Variants in DPP6 observed in about 807,000 individuals in gnomAD.
DPP6 encodes the protein A-type potassium channel modulatory protein DPP6.
In DPP6, 69 loss-of-function variants were observed where a neutral mutation model predicts 122.6. The observed-to-expected ratio is 0.56, with a 90% CI of 0.46 to 0.69. DPP6 has a LOEUF of 0.69. Among genes scored for constraint, DPP6 ranks in the 30% least tolerant of loss-of-function variants. The pLI is 0.00. For synonymous variants in DPP6, 418 were observed against 433.1 expected, an observed-to-expected ratio of 0.97 and a Z score of 0.43; for missense variants, 928 against 1,116.9, an observed-to-expected ratio of 0.83 and a Z score of 2.41.
At chr7:154,404,252 G>T (rs1815883708) in intron 1 of DPP6, among the ~76,000 whole-genome samples, 1 of 152,084 alleles carries the variant, frequency 6.6e-6, no homozygotes, top group Non-Finnish European at 1.5e-5. Context: ...CTAAATCAAA[G>T]ATCTCATAAG....
At chr7:153,955,244 T>C (rs552364387) in intron 1 of DPP6, among the ~76,000 whole-genome samples, 4 of 152,282 alleles carry the variant, frequency 2.6e-5, no homozygotes, top group Non-Finnish European at 5.9e-5. Flanking sequence ...CTGTTCTTTA[T>C]TGTGTCCTAG....
At chr7:154,794,583 G>A (rs1797902456) in intron 11 of DPP6, among the ~76,000 whole-genome samples, 1 of 152,192 alleles carries the variant, frequency 6.6e-6, no homozygotes, top group South Asian at 2.1e-4. Flanking sequence ...AGACCCCGCC[G>A]ACAGCCTCCC....
intron 1 of DPP6, among the ~76,000 whole-genome samples, chr7:154,290,128 T>C (rs1291627553): frequency 2.0e-5 from 3 of 152,172 alleles, no homozygotes; most frequent in Non-Finnish European, 4.4e-5. Flanking sequence ...AAGGGACAAA[T>C]GTTGCTCATG....
chr7:153,818,264 G>A, the DPP6 span, among the ~76,000 whole-genome samples: 8 of 152,146 alleles, frequency 5.3e-5, no homozygotes, highest in Non-Finnish European at 8.8e-5. Flanking sequence ...ATGTGACACT[G>A]TGATGGGCTG....
chr7:154,862,963 G>A (rs1172631624), intron 17 of DPP6, among the ~76,000 whole-genome samples: 2 of 152,242 alleles, frequency 1.3e-5, no homozygotes, highest in African/African-American at 4.8e-5. Flanking sequence ...ACGAAGGTGG[G>A]AGGACCTCTT....
intron 1 of DPP6, among the ~76,000 whole-genome samples, chr7:153,904,802 G>C (rs1799782312): frequency 6.6e-6 from 1 of 152,246 alleles, no homozygotes; most frequent in Non-Finnish European, 1.5e-5. Context: ...CCAAGGGAAA[G>C]CTTCTCCTTT....
intron 11 of DPP6, among the ~76,000 whole-genome samples, chr7:154,794,445 T>C (rs1797890655): frequency 6.6e-6 from 1 of 152,236 alleles, no homozygotes; most frequent in Admixed American, 6.5e-5. Flanking sequence ...GCCCCGTGCC[T>C]GGCACCTGGA....
At chr7:153,952,990 A>G (rs1410381883) in intron 1 of DPP6, among the ~76,000 whole-genome samples, 1 of 152,190 alleles carries the variant, frequency 6.6e-6, no homozygotes, top group African/African-American at 2.4e-5. Flanking sequence ...GAAGAATTTT[A>G]TGTCCTGTAT....
intron 1 of DPP6, among the ~76,000 whole-genome samples, chr7:154,191,487 GA>G (rs548915033): frequency 5.3e-5 from 8 of 152,184 alleles, no homozygotes; most frequent in African/African-American, 1.9e-4. Context: ...TGTCACTTCT[GA>G]AAAAAATGTT....
Position 154,635,883 on chromosome 7 carries a change from A to G in DPP6, c.628-1938A>G, listed in dbSNP as rs566595797. Among the ~76,000 whole-genome samples, 9 of 152,330 alleles carry G rather than the reference A, an allele frequency of 5.9e-5. No individual in the cohort carries two copies. The East Asian group carries it at 1.5e-3, about 26-fold the overall frequency. The stretch of plus-strand genomic sequence containing the variant: ...TTCCTCAGAGCAAGTGATATGAAAG[A>G]CAGCAAGAAGGAAGCCACGATACCT... On this transcript the variant is annotated intron_variant, in intron 5 of 25. Transcript: ENST00000377770.
chr7:154,468,088 A>G (rs1257821193), intron 2 of DPP6, among the ~76,000 whole-genome samples: 1 of 152,242 alleles, frequency 6.6e-6, no homozygotes, highest in African/African-American at 2.4e-5. Context: ...AAAGATGCTC[A>G]ACATCATTAG....
intron 1 of DPP6, among the ~76,000 whole-genome samples, chr7:154,032,702 A>G (rs1487208990): frequency 6.6e-6 from 1 of 152,202 alleles, no homozygotes; most frequent in Non-Finnish European, 1.5e-5. Context: ...TGACAAATGA[A>G]ATGCTGGCAT....
At chr7:154,853,642 A>G (rs1177565483) in intron 16 of DPP6, 138 bp from the exon 17 acceptor site, 3 of 1,235,294 alleles carry the variant, frequency 2.4e-6, no homozygotes, top group Non-Finnish European at 3.3e-6. Flanking sequence ...CCCATCATTG[A>G]TTACTCTTGC....
At chr7:154,057,034 G>A (rs1800884746) in intron 1 of DPP6, among the ~76,000 whole-genome samples, 1 of 152,246 alleles carries the variant, frequency 6.6e-6, no homozygotes. Flanking sequence ...GGATATTGCA[G>A]GAGCATGGAG....
intron 1 of DPP6, among the ~76,000 whole-genome samples, chr7:154,081,332 C>A (rs1050991386): frequency 6.8e-6 from 1 of 147,106 alleles, no homozygotes; most frequent in African/African-American, 2.5e-5. Flanking sequence ...AGCCTTTCAA[C>A]ACCTTAGACT....
chr7:154,152,876 G>A (rs559961927), intron 1 of DPP6, among the ~76,000 whole-genome samples: 4 of 152,226 alleles, frequency 2.6e-5, no homozygotes, highest in Non-Finnish European at 5.9e-5. Context: ...TTGGAAGACT[G>A]CAAGTACCTG....
intron 16 of DPP6, among the ~76,000 whole-genome samples, chr7:154,816,025 G>T (rs1445547273): frequency 6.6e-6 from 1 of 152,176 alleles, no homozygotes; most frequent in Non-Finnish European, 1.5e-5. Context: ...AATCACAGGA[G>T]ATTGAAATGG....
intron 1 of DPP6, among the ~76,000 whole-genome samples, chr7:154,354,267 G>T (rs1489164789): frequency 1.3e-5 from 2 of 152,148 alleles, no homozygotes; most frequent in African/African-American, 4.8e-5. Flanking sequence ...TCTCAGTCTA[G>T]TAATAATAGC....
chr7:153,979,488 G>T (rs1796470495), intron 1 of DPP6, among the ~76,000 whole-genome samples: 1 of 152,232 alleles, frequency 6.6e-6, no homozygotes, highest in Admixed American at 6.5e-5. Flanking sequence ...CATGTCATCT[G>T]CAAACAGATA....
Sources: allele counts gnomAD v4.1 joint callset (sites outside exome capture counted in the v4.1 genomes callset), GRCh38; gene constraint gnomAD v4.1.1; transcripts MANE v1.5; gene names NCBI Gene and HGNC (gene_info 2026-07-23, HGNC 2026-07-21).